The following DPYSL5 variants were observed in gnomAD, a reference collection of about 807,000 sequenced individuals.
DPYSL5 encodes the protein dihydropyrimidinase like 5, also known as dihydropyrimidinase-related protein 5.
Under a neutral mutation model 58.4 loss-of-function variants are expected in DPYSL5, and 9 were observed. The observed-to-expected ratio is 0.15, with a 90% CI of 0.09 to 0.27. DPYSL5 has a LOEUF of 0.27. DPYSL5 is among the 10% of genes least tolerant of loss of function. The pLI is 1.00. For missense variants in DPYSL5, 499 were observed against 770.6 expected (o/e 0.65, Z 4.17); for synonymous variants, 293 against 301.9 (o/e 0.97, Z 0.31).
chr2:26,921,101 C>T (rs1042220261), intron 2 of DPYSL5, among the ~76,000 whole-genome samples: 46 of 152,314 alleles, frequency 3.0e-4, no homozygotes, highest in African/African-American at 1.0e-3. Context: ...ACACACTATA[C>T]TATGGCTGTC....
At chr2:26,885,448 C>T (rs1425305274) in intron 1 of DPYSL5, among the ~76,000 whole-genome samples, 2 of 152,170 alleles carry the variant, frequency 1.3e-5, no homozygotes, top group Non-Finnish European at 2.9e-5. Flanking sequence ...GTGGATGCTT[C>T]ATGATCTGGT....
chr2:26,884,735 G>A (rs576252917), intron 1 of DPYSL5, among the ~76,000 whole-genome samples: 3 of 152,138 alleles, frequency 2.0e-5, no homozygotes, highest in Admixed American at 2.0e-4. Context: ...ACGTGGGGCC[G>A]GGCCAACTCA....
chr2:26,864,606 G>A (rs969834950), intron 1 of DPYSL5, among the ~76,000 whole-genome samples: 1 of 151,796 alleles, frequency 6.6e-6, no homozygotes, highest in Non-Finnish European at 1.5e-5. Context: ...AAGTGACAGA[G>A]AATGACTAAC....
At chr2:26,887,152 G>T (rs1663739940) in intron 1 of DPYSL5, among the ~76,000 whole-genome samples, 1 of 152,246 alleles carries the variant, frequency 6.6e-6, no homozygotes. Context: ...TGATATCACA[G>T]TGACCAGTTA....
At chr2:26,918,265 G>C (rs1661419595) in intron 2 of DPYSL5, among the ~76,000 whole-genome samples, 1 of 151,972 alleles carries the variant, frequency 6.6e-6, no homozygotes, top group Admixed American at 6.5e-5. Flanking sequence ...ATTTGAATGG[G>C]AAAGGTGTTT....
In DPYSL5 at chr2:26,905,552, C is replaced by T. The variant is rs1016170970; in HGVS notation, c.261+6792C>T. Among the ~76,000 whole-genome samples, 1 of 152,138 alleles carries T rather than the reference C, an allele frequency of 6.6e-6. No individual in the cohort carries two copies. The highest frequency in any genetic ancestry group is 6.6e-5 in the Admixed American group (1 of 15,260). ...GGGAATCGGCCCTCACCTCCCAGCT[C>T]GTTTTCCATGCTCGTTCTTCCTGCT... On this transcript the variant is annotated intron_variant, in intron 2 of 12. Transcript: ENST00000288699. The surrounding 1 kb of genome is among the most constrained non-coding windows in gnomAD (Gnocchi z 4.0).
intron 8 of DPYSL5, among the ~76,000 whole-genome samples, chr2:26,937,253 T>C (rs552474071): frequency 3.6e-4 from 55 of 152,288 alleles, no homozygotes; most frequent in African/African-American, 1.3e-3. Context: ...ATTTTAATTA[T>C]TTAAATTAAT....
Position 26,849,375 on chromosome 2 carries a change from C to T in DPYSL5, c.-5+1121C>T, listed in dbSNP as rs1665687794. On this transcript the variant is annotated intron_variant, in intron 1 of 12. Transcript: ENST00000288699. The surrounding 1 kb of genome is among the most constrained non-coding windows in gnomAD (Gnocchi z 6.2). Reference sequence around the variant, plus strand: ...GAGGGGCAAGCAGCTGAGAGGCGGTCTCGGGCCCGAGGATCCTCAGCTCCA... The same window carrying T: ...GAGGGGCAAGCAGCTGAGAGGCGGTTTCGGGCCCGAGGATCCTCAGCTCCA... Among the ~76,000 whole-genome samples the T allele has an allele frequency of 6.6e-6, 1 of 151,954 alleles. No homozygotes were observed. The highest frequency in any genetic ancestry group is 1.5e-5 in the Non-Finnish European group (1 of 67,948).
intron 1 of DPYSL5, among the ~76,000 whole-genome samples, chr2:26,896,141 T>G (rs1664015597): frequency 6.6e-6 from 1 of 152,182 alleles, no homozygotes; most frequent in South Asian, 2.1e-4. Context: ...GCATGTGGTA[T>G]TTGTCTTTCT....
intron 9 of DPYSL5, among the ~76,000 whole-genome samples, chr2:26,941,666 C>T (rs1289092228): frequency 6.6e-6 from 1 of 152,190 alleles, no homozygotes. Context: ...ATGAGCAGAG[C>T]TGGTTTTACA....
chr2:26,919,116 G>A (rs892614045), intron 2 of DPYSL5, among the ~76,000 whole-genome samples: 1 of 152,158 alleles, frequency 6.6e-6, no homozygotes, highest in Admixed American at 6.5e-5. Context: ...CTCCAATGCC[G>A]TGATGTCAGC....
At chr2:26,893,147 C>T (rs1230575143) in intron 1 of DPYSL5, among the ~76,000 whole-genome samples, 1 of 152,208 alleles carries the variant, frequency 6.6e-6, no homozygotes, top group Admixed American at 6.5e-5. Context: ...TGCTTTGTTT[C>T]CCAGCACTCC....
chr2:26,899,438 T>C (rs951316723), intron 2 of DPYSL5, among the ~76,000 whole-genome samples: 2 of 152,214 alleles, frequency 1.3e-5, no homozygotes, highest in African/African-American at 4.8e-5. Context: ...CCAACACCTC[T>C]GTCATTGCTG....
intron 1 of DPYSL5, among the ~76,000 whole-genome samples, chr2:26,868,132 T>C (rs1663158837): frequency 1.3e-5 from 2 of 152,188 alleles, no homozygotes; most frequent in South Asian, 4.1e-4. Context: ...TCATATGTTG[T>C]TGGTTATTTA....
At position 26,933,157 on chromosome 2, in the gene DPYSL5, G is replaced by A; in HGVS notation, c.715-101G>A. The A allele has an allele frequency of 9.9e-6, 10 of 1,012,980 alleles. No homozygotes were observed. The highest frequency in any genetic ancestry group is 1.4e-5 in the Non-Finnish European group (9 of 635,998). 62.7% of individuals were successfully genotyped at this position (1,012,980 alleles called of 1,614,324 possible). A position where few individuals can be genotyped will look rare whatever the true frequency, so the allele number is the denominator to read the frequency against. ...TTGAGGGTGGGGTTGAGTGACGCAG[G>A]GGGAGGCGCTGGTGCCAGGGCTGAC... is the stretch of plus-strand genomic sequence containing the variant. On this transcript the variant is annotated intron_variant, in intron 6 of 12. Transcript: ENST00000288699. The surrounding 1 kb of genome is among the most constrained non-coding windows in gnomAD (Gnocchi z 4.2).
At chr2:26,936,945 T>TTAAAAAAAAAAAAA (rs1665194558) in intron 8 of DPYSL5, among the ~76,000 whole-genome samples, 7 of 77,872 alleles carry the variant, frequency 9.0e-5, no homozygotes, top group Non-Finnish European at 1.5e-4. Flanking sequence ...AGACTTCATT[T>TTAAAAAAAAAAAAA]AAAAAAAAAA....
intron 1 of DPYSL5, among the ~76,000 whole-genome samples, chr2:26,892,842 A>G (rs1002301630): frequency 3.3e-5 from 5 of 150,340 alleles, no homozygotes; most frequent in African/African-American, 1.2e-4. Context: ...GGCTCTATCC[A>G]CCACCTAAGA....
At chr2:26,943,269 C>T (rs961379600) in intron 11 of DPYSL5, among the ~76,000 whole-genome samples, 6 of 152,012 alleles carry the variant, frequency 3.9e-5, no homozygotes, top group Admixed American at 2.6e-4. Context: ...AACCAAGGAC[C>T]CTTCTCTCCC....
chr2:26,928,203 T>C, intron 4 of DPYSL5, 52 bp from the exon 5 acceptor site: 1 of 1,587,672 alleles, frequency 6.3e-7, no homozygotes, highest in East Asian at 2.2e-5. Flanking sequence ...AGTATTTTCT[T>C]ACACGGTGTC....
Sources: allele counts gnomAD v4.1 joint callset (sites outside exome capture counted in the v4.1 genomes callset), GRCh38; gene constraint gnomAD v4.1.1; non-coding constraint Gnocchi (gnomAD v3.1); transcripts MANE v1.5; gene names NCBI Gene and HGNC (gene_info 2026-07-23, HGNC 2026-07-21).